Variants in C8orf34 observed in about 807,000 individuals in gnomAD.
C8orf34 encodes the protein uncharacterized protein C8orf34.
A neutral mutation model predicts 68.3 loss-of-function variants in C8orf34; 65 were observed. The observed-to-expected ratio is 0.95, with a 90% CI of 0.78 to 1.17. The LOEUF (loss-of-function observed/expected upper bound fraction) is 1.17. C8orf34 is among the 50% of genes most tolerant of loss of function. The probability of loss-of-function intolerance (pLI) is 0.00; values close to 1 mark genes in which losing one functional copy is unlikely to be tolerated. For missense variants in C8orf34, 664 were observed against 655.4 expected (o/e 1.01, Z -0.14); for synonymous variants, 244 against 241.2 (o/e 1.01, Z -0.11).
At chr8:68,405,797 A>T (rs564551644) in intron 1 of C8orf34, among the ~76,000 whole-genome samples, 1 of 152,202 alleles carries the variant, frequency 6.6e-6, no homozygotes, top group Non-Finnish European at 1.5e-5. Flanking sequence ...GTGAGAAACT[A>T]AAGATGAATA....
intron 1 of C8orf34, among the ~76,000 whole-genome samples, chr8:68,398,951 CCTT>C (rs1278524207): frequency 4.6e-5 from 7 of 151,998 alleles, no homozygotes; most frequent in African/African-American, 7.2e-5. Context: ...CAGAGGGTCT[CCTT>C]CTTGATTTAA....
chr8:68,720,603 T>G (rs1300219725), intron 9 of C8orf34, among the ~76,000 whole-genome samples: 2 of 151,900 alleles, frequency 1.3e-5, no homozygotes, highest in Non-Finnish European at 2.9e-5. Context: ...CTGATTTTTT[T>G]TTTTAATTTG....
At position 68,492,314 on chromosome 8, in the gene C8orf34, C is replaced by T. The variant is rs1047858785; in HGVS notation, c.765+4263C>T. 2.8e-4 allele frequency among the ~76,000 whole-genome samples: 42 copies of T among 152,120 alleles called. 1 individual carries two copies. The highest frequency in any genetic ancestry group is 9.8e-4 in the Admixed American group (15 of 15,268). Reference sequence around the variant, plus strand: ...CTGCGATCATAGCTCACTGCAATCTCGATCTCCTGGGCTCAAATGACCCTC... The same window carrying T: ...CTGCGATCATAGCTCACTGCAATCTTGATCTCCTGGGCTCAAATGACCCTC... On this transcript the variant is annotated intron_variant, in intron 5 of 13. Coordinates refer to ENST00000518698, the MANE Select transcript of C8orf34 (RefSeq NM_052958.4).
At chr8:68,462,534 G>C (rs896901468) in intron 3 of C8orf34, among the ~76,000 whole-genome samples, 6 of 151,500 alleles carry the variant, frequency 4.0e-5, no homozygotes, top group East Asian at 1.9e-4. Context: ...TGACCACATA[G>C]TTGGAAGTAA....
At chr8:68,436,943 G>T (rs1810691881) in intron 1 of C8orf34, among the ~76,000 whole-genome samples, 5 of 152,124 alleles carry the variant, frequency 3.3e-5, no homozygotes, top group Admixed American at 3.3e-4. Context: ...TCAAGTTCAA[G>T]TCCTCAGAAT....
At position 68,331,216 on chromosome 8, in the gene C8orf34, A is replaced by G; in HGVS notation, c.204A>G (p.Gly68=). The G allele has an allele frequency of 6.5e-7, 1 of 1,535,382 alleles. No homozygotes were observed. The highest frequency in any genetic ancestry group is 8.7e-7 in the Non-Finnish European group (1 of 1,146,628). The part of the protein sequence containing the change: ...SPGKRRVVPS[G]GAQPRVLPAL... ...GTAAAAGGAGGGTTGTCCCCAGCGG[A>G]GGCGCACAGCCGCGCGTTCTCCCTG... The change falls in exon 1 of 14, where the codon GGA becomes GGG. Residue 68 remains glycine (G), a synonymous_variant. Coordinates refer to ENST00000518698, the MANE Select transcript of C8orf34 (RefSeq NM_052958.4).
At chr8:68,594,662 G>A (rs1817490400) in intron 7 of C8orf34, among the ~76,000 whole-genome samples, 1 of 151,842 alleles carries the variant, frequency 6.6e-6, no homozygotes. Context: ...ATATTTCTAT[G>A]TTCTACTATT....
At chr8:68,682,129 T>C (rs891113958) in intron 8 of C8orf34, among the ~76,000 whole-genome samples, 1 of 152,272 alleles carries the variant, frequency 6.6e-6, no homozygotes, top group Non-Finnish European at 1.5e-5. Flanking sequence ...TGTAGTGCTG[T>C]AGTCTGTAGT....
At chr8:68,446,140 T>C (rs1811112530) in intron 2 of C8orf34, among the ~76,000 whole-genome samples, 189 bp from the exon 3 acceptor site, 1 of 152,180 alleles carries the variant, frequency 6.6e-6, no homozygotes, top group African/African-American at 2.4e-5. Context: ...TATAAACTGA[T>C]TCATATCAGA....
In C8orf34 at chr8:68,464,321, T is replaced by C. The variant is rs1233963377; in HGVS notation, c.608-4371T>C. Reference sequence around the variant, plus strand: ...AAGAGGATACAAACAAATGGAAGAATATTCCATGCTCATGGGTAGGAAGAA... The same window carrying C: ...AAGAGGATACAAACAAATGGAAGAACATTCCATGCTCATGGGTAGGAAGAA... On this transcript the variant is annotated intron_variant, in intron 3 of 13. Transcript: ENST00000518698. Among the ~76,000 whole-genome samples the C allele has an allele frequency of 3.9e-3, 593 of 151,928 alleles. 3 individuals are homozygous for C. The highest frequency in any genetic ancestry group is 0.013 in the African/African-American group (522 of 41,340).
intron 5 of C8orf34, among the ~76,000 whole-genome samples, chr8:68,505,559 G>T: frequency 8.6e-6 from 1 of 115,682 alleles, no homozygotes; most frequent in African/African-American, 5.2e-5. Context: ...GTGAAACCCC[G>T]TCTCTACCAA....
intron 7 of C8orf34, among the ~76,000 whole-genome samples, chr8:68,614,348 A>C (rs564475610): frequency 6.6e-6 from 1 of 152,060 alleles, no homozygotes; most frequent in Middle Eastern, 3.2e-3. Context: ...GGTGTTTTAG[A>C]AATGAAGTCC....
At chr8:68,715,476 A>G (rs910728533) in intron 9 of C8orf34, among the ~76,000 whole-genome samples, 1 of 152,116 alleles carries the variant, frequency 6.6e-6, no homozygotes, top group Non-Finnish European at 1.5e-5. Context: ...ACGAATAGAC[A>G]TTTCTCAAAA....
At chr8:68,565,965 A>G (rs1308254312) in intron 7 of C8orf34, among the ~76,000 whole-genome samples, 2 of 152,188 alleles carry the variant, frequency 1.3e-5, no homozygotes, top group African/African-American at 4.8e-5. Flanking sequence ...ATAGGTAAGA[A>G]TGAAGTTGGC....
intron 8 of C8orf34, among the ~76,000 whole-genome samples, chr8:68,685,148 A>C (rs1244582222): frequency 6.6e-6 from 1 of 152,108 alleles, no homozygotes; most frequent in Non-Finnish European, 1.5e-5. Flanking sequence ...TATGTACTTA[A>C]TGCTTGAACC....
intron 2 of C8orf34, among the ~76,000 whole-genome samples, chr8:68,441,098 C>T (rs1810889993): frequency 6.6e-6 from 1 of 152,116 alleles, no homozygotes; most frequent in Non-Finnish European, 1.5e-5. Flanking sequence ...GCCACCATGC[C>T]CTGCCAACTC....
At chr8:68,749,040 T>C (rs935659902) in intron 10 of C8orf34, among the ~76,000 whole-genome samples, 3 of 151,980 alleles carry the variant, frequency 2.0e-5, no homozygotes, top group Admixed American at 6.6e-5. Flanking sequence ...ATATACACCA[T>C]GGAATACTAT....
At chr8:68,793,494 A>G (rs375009641) in intron 12 of C8orf34, among the ~76,000 whole-genome samples, 143 of 152,360 alleles carry the variant, frequency 9.4e-4, no homozygotes, top group African/African-American at 3.3e-3. Context: ...ATAAAAAGGA[A>G]CAAGATCATA....
intron 7 of C8orf34, among the ~76,000 whole-genome samples, chr8:68,616,424 T>C (rs1818216208): frequency 6.6e-6 from 1 of 152,224 alleles, no homozygotes; most frequent in South Asian, 2.1e-4. Flanking sequence ...CTTGTGGGCA[T>C]TTAGTGCTAT....
Sources: gnomAD v4.1 joint callset for allele counts (sites outside exome capture counted in the v4.1 genomes callset) on GRCh38, gnomAD v4.1.1 for gene constraint, MANE v1.5 for transcripts, NCBI Gene and HGNC (gene_info 2026-07-23, HGNC 2026-07-21) for gene names.